LPAR1: variants seen among roughly 807,000 people sequenced by gnomAD.
LPAR1 encodes the protein lysophosphatidic acid receptor 1.
In LPAR1, 5 loss-of-function variants were observed where a neutral mutation model predicts 23.8. The observed-to-expected ratio is 0.21, with a 90% CI of 0.11 to 0.44. The LOEUF is 0.44. LPAR1 is among the 20% of genes least tolerant of loss of function. The pLI is 0.99. For synonymous variants in LPAR1, 160 were observed against 164.7 expected, an observed-to-expected ratio of 0.97 and a Z score of 0.22; for missense variants, 311 against 482.8, an observed-to-expected ratio of 0.64 and a Z score of 3.33.
At chr9:110,918,742 G>C (rs2093395937) in intron 5 of LPAR1, among the ~76,000 whole-genome samples, 1 of 152,220 alleles carries the variant, frequency 6.6e-6, no homozygotes, top group African/African-American at 2.4e-5. Flanking sequence ...GAAAGTACTA[G>C]ATGATACATT....
chr9:111,038,651 C>T (rs77865995), upstream of LPAR1: 14,841 of 455,142 alleles, frequency 0.033, 380 homozygotes, highest in Non-Finnish European at 0.045. The surrounding 1 kb of genome is among the most constrained non-coding windows in gnomAD (Gnocchi z 4.4). Flanking sequence ...GGACCCCTTA[C>T]CTGGTGTGGC....
chr9:110,883,777 A>G (rs979448911), intron 5 of LPAR1, among the ~76,000 whole-genome samples: 1 of 152,196 alleles, frequency 6.6e-6, no homozygotes, highest in African/African-American at 2.4e-5. Flanking sequence ...TTTTAATTAT[A>G]CAATTTATCC....
intron 5 of LPAR1, among the ~76,000 whole-genome samples, chr9:110,895,671 G>A (rs776528878): frequency 6.6e-6 from 1 of 152,268 alleles, no homozygotes; most frequent in African/African-American, 2.4e-5. Flanking sequence ...AGCACTGACT[G>A]GGGGGTGTTC....
intron 5 of LPAR1, among the ~76,000 whole-genome samples, chr9:110,914,579 T>A (rs1376849376): frequency 6.6e-6 from 1 of 152,206 alleles, no homozygotes; most frequent in Non-Finnish European, 1.5e-5. Flanking sequence ...CCAAACTATA[T>A]CAGTCTTTAA....
intron 2 of LPAR1, among the ~76,000 whole-genome samples, chr9:110,994,334 C>T (rs2096954360): frequency 6.6e-6 from 1 of 151,906 alleles, no homozygotes; most frequent in Non-Finnish European, 1.5e-5. Context: ...TAGAAAAGAC[C>T]TAATTATAAA....
At chr9:110,918,519 A>G (rs550024600) in intron 5 of LPAR1, among the ~76,000 whole-genome samples, 1 of 152,136 alleles carries the variant, frequency 6.6e-6, no homozygotes, top group Admixed American at 6.6e-5. Flanking sequence ...ATGTGTTTCC[A>G]TGCCACTGTG....
In LPAR1 at chr9:110,963,922, T is replaced by C. The variant is rs368213857; in HGVS notation, c.45+8151A>G. On this transcript the variant is annotated intron_variant, in intron 4 of 5. Transcript: ENST00000683809. ...ATTTGAACCAAAATCCACCCGGGTCTACGCCCATGCATTACCTTTTCTCAA... is the reference window on the plus strand; with the variant it reads ...ATTTGAACCAAAATCCACCCGGGTCCACGCCCATGCATTACCTTTTCTCAA... Among the ~76,000 whole-genome samples the C allele has an allele frequency of 1.6e-4, 25 of 152,382 alleles. No homozygotes were observed. In the East Asian group the frequency reaches 2.3e-3, roughly 14 times the overall value.
chr9:111,016,481 CAAAGGCA>C (rs1275355576), intron 2 of LPAR1, among the ~76,000 whole-genome samples: 1 of 152,136 alleles, frequency 6.6e-6, no homozygotes, highest in Non-Finnish European at 1.5e-5. Flanking sequence ...AAACTCTGGC[CAAAGGCA>C]TCAACTGTCA....
chr9:110,941,724 C>A lies in LPAR1; in HGVS notation c.490G>T (p.Val164Leu). The A allele has an allele frequency of 6.2e-7, 1 of 1,614,198 alleles. No homozygotes were observed. The highest frequency in any genetic ancestry group is 2.2e-5 in the East Asian group (1 of 44,872). ...CAGATGACCACAATGACCACCACTA[C>A]CCGCCGGTTGCTCATCCGTGTGTGG... Reference protein sequence around the residue: ...QLHTRMSNRRVVVVIVVIWTM... With the variant: ...QLHTRMSNRRLVVVIVVIWTM... The change falls in exon 5 of 6, where the codon GTA becomes TTA. Residue 164 changes from valine (V) to leucine (L), a missense_variant. Around this residue, in one of 2 missense-constraint regions of LPAR1, gnomAD observed 250 missense variants for 427.2 expected, o/e 0.59. Coordinates refer to ENST00000683809, the MANE Select transcript of LPAR1 (RefSeq NM_001351411.2). This position sits in a 1 kb window ranked among gnomAD's most constrained non-coding sequence, Gnocchi z 6.1.
intron 5 of LPAR1, among the ~76,000 whole-genome samples, chr9:110,918,832 T>C (rs1357344542): frequency 2.0e-5 from 3 of 152,230 alleles, no homozygotes; most frequent in African/African-American, 7.2e-5. Context: ...TTCCATCCTT[T>C]AGCCTTCAAC....
chr9:110,965,588 G>C (rs528374011), intron 4 of LPAR1, among the ~76,000 whole-genome samples: 1 of 152,192 alleles, frequency 6.6e-6, no homozygotes, highest in Non-Finnish European at 1.5e-5. Flanking sequence ...TCTCACACCA[G>C]TTAGAATGAT....
At chr9:111,012,821 GA>G (rs2097359661) in intron 2 of LPAR1, among the ~76,000 whole-genome samples, 1 of 152,090 alleles carries the variant, frequency 6.6e-6, no homozygotes, top group Admixed American at 6.5e-5. Context: ...AAAAGGCAAG[GA>G]AAGAGAAAGG....
chr9:110,877,321 T>A (rs2079382805), intron 5 of LPAR1, among the ~76,000 whole-genome samples: 1 of 152,222 alleles, frequency 6.6e-6, no homozygotes, highest in African/African-American at 2.4e-5. Context: ...AAACTGCTGT[T>A]CACTTTGAAG....
At position 110,948,688 on chromosome 9, in the gene LPAR1, T is replaced by C. The variant is rs540367823; in HGVS notation, c.46-6520A>G. ...ACACTAAGATGTGCTGGATAAAGTATAATAAATAGTCCTTAGATGCACTGC... is the reference window on the plus strand; with the variant it reads ...ACACTAAGATGTGCTGGATAAAGTACAATAAATAGTCCTTAGATGCACTGC... On this transcript the variant is annotated intron_variant, in intron 4 of 5. Coordinates refer to ENST00000683809, the MANE Select transcript of LPAR1 (RefSeq NM_001351411.2). Among the ~76,000 whole-genome samples the C allele has an allele frequency of 2.0e-5, 3 of 152,252 alleles. No homozygotes were observed. The South Asian group carries it at 6.2e-4, about 32-fold the overall frequency.
At position 111,002,888 on chromosome 9, in the gene LPAR1, C is replaced by T. The variant is rs1478684762; in HGVS notation, c.-181-29330G>A. Reference sequence around the variant, plus strand: ...GCATGGTGGCTCACACTTGTAATCCCGGCAGTCTGTGGGCCTGAGGCAGGA... The same window carrying T: ...GCATGGTGGCTCACACTTGTAATCCTGGCAGTCTGTGGGCCTGAGGCAGGA... On this transcript the variant is annotated intron_variant, in intron 2 of 5. Coordinates refer to ENST00000683809, the MANE Select transcript of LPAR1 (RefSeq NM_001351411.2). 5.9e-5 allele frequency among the ~76,000 whole-genome samples: 9 copies of T among 152,130 alleles called. No homozygotes were observed. The East Asian group carries it at 1.5e-3, about 26-fold the overall frequency.
chr9:110,890,690 C>T (rs1166063623), intron 5 of LPAR1, among the ~76,000 whole-genome samples: 2 of 152,168 alleles, frequency 1.3e-5, no homozygotes, highest in African/African-American at 2.4e-5. Flanking sequence ...TTGAGAATAA[C>T]TGTATAGACC....
At chr9:110,969,276 T>C (rs1352261155) in intron 4 of LPAR1, among the ~76,000 whole-genome samples, 2 of 152,226 alleles carry the variant, frequency 1.3e-5, no homozygotes, top group Non-Finnish European at 2.9e-5. Flanking sequence ...ATGTACCATA[T>C]ACTTCTCCCT....
At chr9:110,944,159 C>T (rs1373072182) in intron 4 of LPAR1, among the ~76,000 whole-genome samples, 1 of 152,152 alleles carries the variant, frequency 6.6e-6, no homozygotes, top group Non-Finnish European at 1.5e-5. Flanking sequence ...CTGACATAAC[C>T]CGCAAGAACT....
chr9:110,975,944 T>C (rs2096544939), intron 2 of LPAR1, among the ~76,000 whole-genome samples: 3 of 152,210 alleles, frequency 2.0e-5, no homozygotes, highest in Admixed American at 6.5e-5. Flanking sequence ...CTAAATGACA[T>C]AACTTCAAAG....
Sources: allele counts gnomAD v4.1 joint callset (sites outside exome capture counted in the v4.1 genomes callset), GRCh38; gene constraint gnomAD v4.1.1; regional missense constraint gnomAD v4.1.1; non-coding constraint Gnocchi (gnomAD v3.1); transcripts MANE v1.5; gene names NCBI Gene and HGNC (gene_info 2026-07-23, HGNC 2026-07-21).